Variants in ANO2 observed in about 807,000 individuals in gnomAD.
The protein encoded by ANO2 is anoctamin-2.
In ANO2, 101 loss-of-function variants were observed where a neutral mutation model predicts 124.2. The observed-to-expected ratio is 0.81, with a 90% confidence interval of 0.69 to 0.96. ANO2 has a LOEUF of 0.96. Ranked by LOEUF, ANO2 falls within the 40% of genes least tolerant of loss-of-function variation. ANO2 has a pLI of 0.00. For missense variants in ANO2, 1,293 were observed against 1,274.5 expected (o/e 1.01, Z -0.22); for synonymous variants, 486 against 482.5 (o/e 1.01, Z -0.09).
chr12:5,615,125 C>G (rs1027540547), intron 17 of ANO2, 61 bp downstream of exon 17: 33 of 1,377,310 alleles, frequency 2.4e-5, no homozygotes, highest in Non-Finnish European at 2.8e-5. Flanking sequence ...ATTGTCCTGA[C>G]AGTAGAGAAC....
At chr12:5,706,048 G>C (rs1313321033) in intron 14 of ANO2, among the ~76,000 whole-genome samples, 1 of 152,178 alleles carries the variant, frequency 6.6e-6, no homozygotes, top group Admixed American at 6.5e-5. Context: ...TGGAAAGAAG[G>C]GTGGCCGAGG....
At chr12:5,692,391 A>ATACTTACTTAAGTATCT (rs1948982488) in intron 14 of ANO2, among the ~76,000 whole-genome samples, 1 of 152,132 alleles carries the variant, frequency 6.6e-6, no homozygotes, top group Non-Finnish European at 1.5e-5. Flanking sequence ...CTTAAGTAAG[A>ATACTTACTTAAGTATCT]TACTTAAGTT....
intron 19 of ANO2, among the ~76,000 whole-genome samples, chr12:5,604,169 G>A (rs1293293953): frequency 6.6e-6 from 1 of 152,124 alleles, no homozygotes; most frequent in Non-Finnish European, 1.5e-5. Flanking sequence ...TACACAGAAG[G>A]GAAGGACAAT....
At chr12:5,771,498 G>A (rs1002757783) in intron 10 of ANO2, among the ~76,000 whole-genome samples, 20 of 152,222 alleles carry the variant, frequency 1.3e-4, no homozygotes, top group East Asian at 5.8e-4. Context: ...CAGAATTCTC[G>A]GCTGGGCGCC....
intron 20 of ANO2, among the ~76,000 whole-genome samples, chr12:5,597,903 A>G (rs1943741448): frequency 6.6e-6 from 1 of 152,248 alleles, no homozygotes; most frequent in South Asian, 2.1e-4. Context: ...TAAAGGGGCT[A>G]CACGTTTCCT....
intron 14 of ANO2, among the ~76,000 whole-genome samples, chr12:5,712,804 T>G (rs879658402): frequency 2.6e-5 from 4 of 151,862 alleles, no homozygotes; most frequent in Non-Finnish European, 5.9e-5. Flanking sequence ...CAAAGAGGCT[T>G]TTGCATGTGC....
At chr12:5,898,801 A>T (rs1206054540) in intron 3 of ANO2, among the ~76,000 whole-genome samples, 1 of 152,228 alleles carries the variant, frequency 6.6e-6, no homozygotes, top group African/African-American at 2.4e-5. Context: ...CTATTTCTTC[A>T]TCTGGATGGC....
At chr12:5,946,022 G>C (rs1943086713), upstream of ANO2, 2 of 1,113,118 alleles carry the variant, frequency 1.8e-6, no homozygotes, top group Non-Finnish European at 2.7e-6. This position sits in a 1 kb window ranked among gnomAD's most constrained non-coding sequence, Gnocchi z 4.1. Flanking sequence ...GACCTCCAAA[G>C]GGCCCTTCTG....
chr12:5,818,461 ATATATATATATATATATATATAT>A (rs2137194758), intron 7 of ANO2, among the ~76,000 whole-genome samples: 2 of 30,378 alleles, frequency 6.6e-5, no homozygotes, highest in African/African-American at 2.6e-4. Context: ...ATATATATAT[ATATATATATATATATATATATAT>A]ATATATATAT....
intron 10 of ANO2, among the ~76,000 whole-genome samples, chr12:5,782,633 T>A (rs2137136106): frequency 6.6e-6 from 1 of 152,342 alleles, no homozygotes; most frequent in South Asian, 2.1e-4. Flanking sequence ...AGTTACTCCA[T>A]CATGGCCAGA....
chr12:5,815,954 G>A (rs1393955317), intron 7 of ANO2, among the ~76,000 whole-genome samples: 1 of 151,960 alleles, frequency 6.6e-6, no homozygotes, highest in Non-Finnish European at 1.5e-5. Context: ...AGATAAACAG[G>A]AGTGTTTCCA....
At chr12:5,921,407 G>A in intron 2 of ANO2, 41 bp from the exon 3 acceptor site, 1 of 1,580,312 alleles carries the variant, frequency 6.3e-7, no homozygotes, top group Middle Eastern at 1.7e-4. Flanking sequence ...GGTCTGGTGA[G>A]TAAGGGGTGA....
chr12:5,797,683 C>T (rs537606118), intron 10 of ANO2, among the ~76,000 whole-genome samples: 1 of 152,302 alleles, frequency 6.6e-6, no homozygotes, highest in Admixed American at 6.5e-5. Context: ...CTTGGCTCCC[C>T]ACACACATGC....
chr12:5,863,801 T>TA (rs1158654266), intron 3 of ANO2, among the ~76,000 whole-genome samples: 2 of 152,170 alleles, frequency 1.3e-5, no homozygotes, highest in African/African-American at 2.4e-5. Flanking sequence ...TTTTTTGTTT[T>TA]AAAAAATCAT....
At chr12:5,860,407 CTTG>C (rs978051026) in intron 3 of ANO2, among the ~76,000 whole-genome samples, 4 of 152,160 alleles carry the variant, frequency 2.6e-5, no homozygotes, top group African/African-American at 9.7e-5. Flanking sequence ...ATGAGTCTGT[CTTG>C]TTGTTTGCTT....
At chr12:5,817,054 C>T (rs1370739800) in intron 7 of ANO2, among the ~76,000 whole-genome samples, 2 of 152,050 alleles carry the variant, frequency 1.3e-5, no homozygotes, top group East Asian at 1.9e-4. Context: ...GAGACATCAC[C>T]AAAAAACCCT....
chr12:5,848,790 G>A (rs182980181), intron 4 of ANO2, among the ~76,000 whole-genome samples: 14 of 152,336 alleles, frequency 9.2e-5, no homozygotes, highest in African/African-American at 3.4e-4. Flanking sequence ...GAGGGACTGG[G>A]CCTGCTTCCC....
At chr12:5,666,675 T>C (rs906491091) in intron 14 of ANO2, among the ~76,000 whole-genome samples, 2 of 152,198 alleles carry the variant, frequency 1.3e-5, no homozygotes, top group African/African-American at 2.4e-5. Flanking sequence ...TCTCCAAAAG[T>C]TGGCCATTTA....
At chr12:5,799,660 C>T (rs1305084435) in intron 9 of ANO2, 89 bp from the exon 10 acceptor site, 3 of 1,183,422 alleles carry the variant, frequency 2.5e-6, no homozygotes, top group African/African-American at 3.0e-5. Context: ...GATTTTTATC[C>T]CCAAAGTCCA....
Sources: gnomAD v4.1 joint callset for allele counts (sites outside exome capture counted in the v4.1 genomes callset) on GRCh38, gnomAD v4.1.1 for gene constraint, Gnocchi (gnomAD v3.1) non-coding constraint, MANE v1.5 for transcripts, NCBI Gene and HGNC (gene_info 2026-07-23, HGNC 2026-07-21) for gene names.